Variants in GRK3 observed in about 807,000 individuals in gnomAD.
GRK3 encodes G protein-coupled receptor kinase 3.
GRK3 carries 54 observed loss-of-function variants against 95.7 expected under a neutral mutation model. That is an observed-to-expected ratio of 0.56 (90% CI 0.45 to 0.71). The LOEUF (loss-of-function observed/expected upper bound fraction) is 0.71. Among genes scored for constraint, GRK3 ranks in the 30% least tolerant of loss-of-function variants. GRK3 has a pLI of 0.00. For missense variants in GRK3, 649 were observed against 851.2 expected, an observed-to-expected ratio of 0.76 and a Z score of 2.96; for synonymous variants, 281 against 290.8, an observed-to-expected ratio of 0.97 and a Z score of 0.34.
chr22:25,641,183 T>G (rs967973499), intron 2 of GRK3, among the ~76,000 whole-genome samples: 1 of 152,224 alleles, frequency 6.6e-6, no homozygotes, highest in African/African-American at 2.4e-5. Context: ...TGTTTTCTAT[T>G]GTGTGTTGAA....
In GRK3 at chr22:25,725,843, G is replaced by C. The variant is rs2085469413; in HGVS notation, c.*3393G>C. 3.0e-6 allele frequency: 1 copy of C among 328,386 alleles called. No individual in the cohort carries two copies. Among genetic ancestry groups the C allele is most frequent in the East Asian group, 4.6e-5 (1 of 21,976 alleles). 20.3% of individuals were successfully genotyped at this position (328,386 alleles called of 1,614,324 possible). On this transcript the variant is annotated 3_prime_UTR_variant, in exon 21 of 21. Coordinates refer to ENST00000324198, the MANE Select transcript of GRK3 (RefSeq NM_005160.4). Reference sequence around the variant, plus strand: ...GGGCGCCTGTAGTCCCAGCTACTTGGGAGGCTGAGGCAGGAGAATGGCATG... The same window carrying C: ...GGGCGCCTGTAGTCCCAGCTACTTGCGAGGCTGAGGCAGGAGAATGGCATG...
chr22:25,645,645 A>G (rs544002023), intron 3 of GRK3, among the ~76,000 whole-genome samples: 1 of 152,306 alleles, frequency 6.6e-6, no homozygotes, highest in Admixed American at 6.5e-5. Flanking sequence ...AAAGCAGGCC[A>G]GGCACGGTGG....
At chr22:25,656,195 G>A (rs575881098) in intron 3 of GRK3, among the ~76,000 whole-genome samples, 2 of 152,132 alleles carry the variant, frequency 1.3e-5, no homozygotes, top group Admixed American at 6.6e-5. Flanking sequence ...TTTTGAGGCA[G>A]CTTATAGAAA....
chr22:25,679,796 T>C (rs796843482), intron 9 of GRK3, among the ~76,000 whole-genome samples: 8 of 152,310 alleles, frequency 5.3e-5, no homozygotes, highest in African/African-American at 1.7e-4. Flanking sequence ...GTACCCCACA[T>C]GTGAATGAAA....
At chr22:25,640,673 T>A (rs1242432784) in intron 2 of GRK3, among the ~76,000 whole-genome samples, 1 of 152,260 alleles carries the variant, frequency 6.6e-6, no homozygotes, top group Non-Finnish European at 1.5e-5. Flanking sequence ...AAACCACTTA[T>A]ATTTAATACT....
intron 9 of GRK3, chr22:25,684,406 C>G (rs928623848): frequency 3.9e-5 from 6 of 152,232 alleles, no homozygotes; most frequent in Non-Finnish European, 7.3e-5. Flanking sequence ...TGCATGGCAT[C>G]TATAGCTTAA....
chr22:25,655,500 T>G (rs2084864112), intron 3 of GRK3, among the ~76,000 whole-genome samples: 2 of 152,350 alleles, frequency 1.3e-5, no homozygotes, highest in South Asian at 4.1e-4. Context: ...TATTTCCGTC[T>G]TCTGTGATGG....
rs188309543 is a variant in GRK3, at chr22:25,632,603, G to A, written c.191-11989G>A. ...TTGGTGACCTTTGCTTTAACCCAAG[G>A]TTGCAAAGATTTTCTTGAATTTTTT... On this transcript the variant is annotated intron_variant, in intron 2 of 20. Coordinates refer to ENST00000324198, the MANE Select transcript of GRK3 (RefSeq NM_005160.4). 1.8e-4 allele frequency among the ~76,000 whole-genome samples: 28 copies of A among 152,150 alleles called. 1 individual carries two copies. In the East Asian group the frequency reaches 3.1e-3, roughly 17 times the overall value.
intron 15 of GRK3, 80 bp downstream of exon 15, chr22:25,704,289 T>A: frequency 1.0e-6 from 1 of 990,178 alleles, no homozygotes; most frequent in Non-Finnish European, 1.5e-6. Context: ...TCAAAAGTCA[T>A]CCCTAGTCAT....
At chr22:25,647,020 CAAAA>C (rs1025786169) in intron 3 of GRK3, among the ~76,000 whole-genome samples, 2 of 54,016 alleles carry the variant, frequency 3.7e-5, no homozygotes, top group African/African-American at 6.4e-5. Flanking sequence ...GACTTTGTCT[CAAAA>C]AAAAAAAAAA....
chr22:25,691,811 A>G (rs1375961574), intron 12 of GRK3, among the ~76,000 whole-genome samples: 1 of 152,222 alleles, frequency 6.6e-6, no homozygotes, highest in African/African-American at 2.4e-5. Flanking sequence ...TTCACATGTC[A>G]GCTCTGAACG....
chr22:25,579,164 T>C (rs977190720), intron 1 of GRK3, among the ~76,000 whole-genome samples: 1 of 152,034 alleles, frequency 6.6e-6, no homozygotes, highest in Non-Finnish European at 1.5e-5. Flanking sequence ...ATTCTTTTTT[T>C]TTTTTTCTTT....
intron 1 of GRK3, among the ~76,000 whole-genome samples, chr22:25,566,898 T>G (rs1344813778): frequency 7.1e-6 from 1 of 140,120 alleles, no homozygotes; most frequent in Admixed American, 7.0e-5. Context: ...TCATGGGCAG[T>G]TTTTTTTTTG....
At chr22:25,621,331 T>TA (rs1408606498) in intron 2 of GRK3, among the ~76,000 whole-genome samples, 1 of 152,250 alleles carries the variant, frequency 6.6e-6, no homozygotes, top group Non-Finnish European at 1.5e-5. Context: ...ATGGGCACCT[T>TA]ACTCACTTTC....
At chr22:25,575,974 C>T (rs142227136) in intron 1 of GRK3, among the ~76,000 whole-genome samples, 2,037 of 152,288 alleles carry the variant, frequency 0.013, 25 homozygotes, top group African/African-American at 0.03. Context: ...TTATTCTCTT[C>T]CTATAGGCCT....
intron 3 of GRK3, among the ~76,000 whole-genome samples, chr22:25,652,999 A>T (rs1289405682): frequency 6.6e-6 from 1 of 152,200 alleles, no homozygotes; most frequent in African/African-American, 2.4e-5. Flanking sequence ...TGTTCACACA[A>T]TTATGAAATT....
intron 1 of GRK3, among the ~76,000 whole-genome samples, chr22:25,572,650 C>T (rs1227730599): frequency 1.3e-5 from 2 of 152,168 alleles, no homozygotes; most frequent in African/African-American, 2.4e-5. Context: ...CTATCCATCC[C>T]GTAGGCTCTG....
At position 25,722,545 on chromosome 22, in the gene GRK3, G is replaced by C; in HGVS notation, c.*95G>C. 7.3e-7 allele frequency: 1 copy of C among 1,365,702 alleles called. No individual in the cohort carries two copies. The allele number at this position is 1,365,702 out of a possible 1,614,324, so 84.6% of individuals were successfully genotyped here. Reference sequence around the variant, plus strand: ...GAGGCATCTGATCTATTCGCTACCGGGACTCCTCCAGGCTCCCGAGAGGAG... The same window carrying C: ...GAGGCATCTGATCTATTCGCTACCGCGACTCCTCCAGGCTCCCGAGAGGAG... On this transcript the variant is annotated 3_prime_UTR_variant, in exon 21 of 21. Coordinates refer to ENST00000324198, the MANE Select transcript of GRK3 (RefSeq NM_005160.4).
intron 2 of GRK3, among the ~76,000 whole-genome samples, chr22:25,637,959 C>G (rs899009834): frequency 1.3e-5 from 2 of 152,166 alleles, no homozygotes; most frequent in African/African-American, 4.8e-5. Context: ...TGGATGCAGC[C>G]CACCTACGTT....
Sources: allele counts gnomAD v4.1 joint callset (sites outside exome capture counted in the v4.1 genomes callset), GRCh38; gene constraint gnomAD v4.1.1; transcripts MANE v1.5; gene names NCBI Gene and HGNC (gene_info 2026-07-23, HGNC 2026-07-21).